Variants in VAC14 observed in about 807,000 individuals in gnomAD.
VAC14 encodes the protein protein VAC14 homolog.
Under a neutral mutation model 85.3 loss-of-function variants are expected in VAC14, and 47 were observed. The observed-to-expected ratio is 0.55, with a 90% CI of 0.44 to 0.70. The LOEUF is 0.70. Ranked by LOEUF, VAC14 falls within the 30% of genes least tolerant of loss-of-function variation. The pLI is 0.00. For synonymous variants in VAC14, 447 were observed against 430.5 expected (o/e 1.04, Z -0.47); for missense variants, 861 against 1,004.3 (o/e 0.86, Z 1.93).
At chr16:70,695,910 G>A (rs1402396838) in intron 16 of VAC14, 1 of 300,832 alleles carries the variant, frequency 3.3e-6, no homozygotes, top group East Asian at 5.7e-5. Context: ...CGTTGGGGGA[G>A]GGCTGGGCAG....
At chr16:70,733,735 A>G (rs2054664066) in intron 13 of VAC14, among the ~76,000 whole-genome samples, 1 of 152,168 alleles carries the variant, frequency 6.6e-6, no homozygotes, top group African/African-American at 2.4e-5. Context: ...GGAACCAAGC[A>G]GATGCTAACA....
At chr16:70,699,510 T>TA (rs1246271041) in intron 14 of VAC14, 2 of 152,210 alleles carry the variant, frequency 1.3e-5, no homozygotes, top group African/African-American at 4.8e-5. Context: ...CTTGTCTAGT[T>TA]AAGAGTCGTT....
chr16:70,758,509 T>A (rs1473222768), intron 12 of VAC14, among the ~76,000 whole-genome samples: 1 of 152,192 alleles, frequency 6.6e-6, no homozygotes, highest in African/African-American at 2.4e-5. Flanking sequence ...AAAAGCAGGC[T>A]GGGAGGCAGC....
chr16:70,739,673 C>T (rs1164691066), intron 13 of VAC14, among the ~76,000 whole-genome samples: 4 of 152,276 alleles, frequency 2.6e-5, no homozygotes, highest in East Asian at 3.9e-4. Context: ...AAAGCCAGCA[C>T]GCGTGAGTGC....
At chr16:70,731,787 C>T (rs1301197867) in intron 13 of VAC14, among the ~76,000 whole-genome samples, 160 bp from the exon 14 acceptor site, 2 of 151,784 alleles carry the variant, frequency 1.3e-5, no homozygotes, top group Non-Finnish European at 2.9e-5. Context: ...CATGGAGCAA[C>T]AGAGAAAAAG....
chr16:70,706,741 C>T (rs1453962729), intron 14 of VAC14, among the ~76,000 whole-genome samples: 4 of 152,214 alleles, frequency 2.6e-5, no homozygotes, highest in African/African-American at 9.7e-5. Context: ...ATCCACCCGC[C>T]TCGGCCTCCC....
At chr16:70,729,072 G>A (rs549709249) in intron 14 of VAC14, among the ~76,000 whole-genome samples, 1 of 152,236 alleles carries the variant, frequency 6.6e-6, no homozygotes, top group East Asian at 1.9e-4. Context: ...TTCTCAACTG[G>A]GGTGATTCTC....
At position 70,762,030 on chromosome 16, in the gene VAC14, C is replaced by T. The variant is rs2032431974; in HGVS notation, c.1371+510G>A. 6.6e-6 allele frequency among the ~76,000 whole-genome samples: 1 copy of T among 152,192 alleles called. No individual in the cohort carries two copies. Among genetic ancestry groups the T allele is most frequent in the South Asian group, 2.1e-4 (1 of 4,834 alleles). ...CAAGCTCCCCGCCTGTCCTGTGCTG[C>T]CTCCCTTACTGACACTCTGCCCCAG... On this transcript the variant is annotated intron_variant, in intron 12 of 18. Transcript: ENST00000261776. The surrounding 1 kb of genome is among the most constrained non-coding windows in gnomAD (Gnocchi z 4.1).
chr16:70,695,732 T>G, intron 16 of VAC14, 109 bp from the exon 17 acceptor site: 4 of 1,052,128 alleles, frequency 3.8e-6, no homozygotes, highest in Middle Eastern at 2.5e-4. Context: ...AGAGCCTGGT[T>G]GTGGTGAAGC....
At chr16:70,689,175 C>T in intron 18 of VAC14, 9 of 976,932 alleles carry the variant, frequency 9.2e-6, no homozygotes, top group Non-Finnish European at 1.1e-5. Context: ...TGACTGTTTC[C>T]TCATCTGCAA....
At chr16:70,697,290 C>G in intron 15 of VAC14, 33 bp from the exon 16 acceptor site, 1 of 1,572,900 alleles carries the variant, frequency 6.4e-7, no homozygotes, top group Non-Finnish European at 8.7e-7. Flanking sequence ...CGTGAGGACA[C>G]GCCTGCTCCT....
chr16:70,756,411 G>C (rs1308532549), intron 12 of VAC14, among the ~76,000 whole-genome samples: 1 of 152,188 alleles, frequency 6.6e-6, no homozygotes, highest in Non-Finnish European at 1.5e-5. Flanking sequence ...CATTTCTCCT[G>C]GGACCTGCAC....
chr16:70,693,826 G>C (rs1266330212), intron 17 of VAC14, among the ~76,000 whole-genome samples: 1 of 152,200 alleles, frequency 6.6e-6, no homozygotes, highest in African/African-American at 2.4e-5. Flanking sequence ...CATGTGCTTT[G>C]GGAGAGGGAC....
chr16:70,769,278 G>A (rs2033044029), intron 10 of VAC14: 1 of 159,508 alleles, frequency 6.3e-6, no homozygotes, highest in African/African-American at 2.4e-5. Context: ...CCACCACCCT[G>A]GGCAGACCTG....
At chr16:70,775,168 A>G (rs1371513901) in intron 9 of VAC14, among the ~76,000 whole-genome samples, 1 of 152,214 alleles carries the variant, frequency 6.6e-6, no homozygotes, top group African/African-American at 2.4e-5. Context: ...TTACAAATCA[A>G]AATGATCATT....
chr16:70,791,062 A>G (rs957875203), intron 1 of VAC14, among the ~76,000 whole-genome samples: 1 of 152,218 alleles, frequency 6.6e-6, no homozygotes, highest in Admixed American at 6.5e-5. Flanking sequence ...AAACAGGGCC[A>G]GGCCGACCTC....
intron 16 of VAC14, 149 bp from the exon 17 acceptor site, chr16:70,695,772 C>T (rs1355213503): frequency 3.0e-6 from 2 of 671,364 alleles, no homozygotes; most frequent in African/African-American, 3.6e-5. Context: ...ACACCAGGCT[C>T]TTCCCTGTTC....
At chr16:70,789,237 G>GC (rs761637694) in intron 1 of VAC14, among the ~76,000 whole-genome samples, 1 of 152,172 alleles carries the variant, frequency 6.6e-6, no homozygotes, top group Non-Finnish European at 1.5e-5. Flanking sequence ...GGGGGAAAAA[G>GC]CCCCCCAAAG....
At chr16:70,746,695 A>C (rs1231219529) in intron 12 of VAC14, among the ~76,000 whole-genome samples, 1 of 152,222 alleles carries the variant, frequency 6.6e-6, no homozygotes, top group Non-Finnish European at 1.5e-5. Flanking sequence ...GAAGAAAGAC[A>C]CAGGGCGGAG....
Sources: allele counts gnomAD v4.1 joint callset (sites outside exome capture counted in the v4.1 genomes callset), GRCh38; gene constraint gnomAD v4.1.1; non-coding constraint Gnocchi (gnomAD v3.1); transcripts MANE v1.5; gene names NCBI Gene and HGNC (gene_info 2026-07-23, HGNC 2026-07-21).